Variants in IRAG1 observed in about 807,000 individuals in gnomAD.
The protein encoded by IRAG1 is inositol 1,4,5-triphosphate receptor associated 1, also known as IP3R-associated cGMP kinase substrate.
A neutral mutation model predicts 106.2 loss-of-function variants in IRAG1; 62 were observed. That is an observed-to-expected ratio of 0.58 (90% CI 0.48 to 0.72). The LOEUF is 0.72. Ranked by LOEUF, IRAG1 falls within the 30% of genes least tolerant of loss-of-function variation. The pLI, the probability that IRAG1 is intolerant of heterozygous loss-of-function variation, is 0.00. For synonymous variants in IRAG1, 462 were observed against 443.9 expected, an observed-to-expected ratio of 1.04 and a Z score of -0.51; for missense variants, 1,064 against 1,140.7, an observed-to-expected ratio of 0.93 and a Z score of 0.97.
intron 10 of IRAG1, among the ~76,000 whole-genome samples, chr11:10,614,089 G>A (rs1855197289): frequency 6.6e-6 from 1 of 152,068 alleles, no homozygotes; most frequent in Non-Finnish European, 1.5e-5. Flanking sequence ...AACATACTGA[G>A]GATACCTACC....
At chr11:10,667,617 G>A (rs115018783) in intron 1 of IRAG1, among the ~76,000 whole-genome samples, 73 of 152,326 alleles carry the variant, frequency 4.8e-4, no homozygotes, top group African/African-American at 1.7e-3. Flanking sequence ...CCTGGGGTAG[G>A]TGGAGGGTGG....
intron 10 of IRAG1, among the ~76,000 whole-genome samples, chr11:10,620,489 G>A (rs909346794): frequency 7.9e-5 from 12 of 152,094 alleles, no homozygotes; most frequent in African/African-American, 2.9e-4. Flanking sequence ...ATGGGTACAC[G>A]GGCAAAGATG....
chr11:10,680,404 G>GGAAGGAAGGAAAGAAAGAAAGAAAGGAAA (rs71034778), intron 1 of IRAG1, among the ~76,000 whole-genome samples: 2 of 82,090 alleles, frequency 2.4e-5, no homozygotes, highest in African/African-American at 1.2e-4. Context: ...AAGGAAGGAA[G>GGAAGGAAGGAAAGAAAGAAAGAAAGGAAA]GAAAGAAAGG....
intron 1 of IRAG1, among the ~76,000 whole-genome samples, chr11:10,653,961 T>C (rs552036106): frequency 6.6e-6 from 1 of 152,176 alleles, no homozygotes; most frequent in African/African-American, 2.4e-5. Flanking sequence ...AAGACCACCA[T>C]GCAGATAACA....
At chr11:10,606,881 T>C (rs1854521113) in intron 11 of IRAG1, 109 bp from the exon 12 acceptor site, 2 of 1,027,592 alleles carry the variant, frequency 1.9e-6, no homozygotes, top group African/African-American at 1.6e-5. Context: ...GAGTAAGCTG[T>C]GTTGGTGAGA....
rs1850733717 is a variant in IRAG1, at chr11:10,574,735, T to C, written c.*1597A>G. On this transcript the variant is annotated 3_prime_UTR_variant, in exon 21 of 21. Coordinates refer to ENST00000423302, the MANE Select transcript of IRAG1 (RefSeq NM_130385.4). ...GGGGAGCCAGAGATGGAGTAGCTGA[T>C]GGGCCACTTGGGGGAATGAGACTGA... The C allele has an allele frequency of 6.6e-6, 1 of 152,156 alleles. No homozygotes were observed. Among genetic ancestry groups the C allele is most frequent in the Admixed American group, 6.5e-5 (1 of 15,278 alleles). 9.4% of individuals were successfully genotyped at this position (152,156 alleles called of 1,614,324 possible). A position where few individuals can be genotyped will look rare whatever the true frequency, so the allele number is the denominator to read the frequency against.
In IRAG1 at chr11:10,651,940, G is replaced by T. The variant is rs1858545682; in HGVS notation, c.225+85C>A. On this transcript the variant is annotated intron_variant, in intron 2 of 20. Transcript: ENST00000423302. ...ACATGAGCTGTCAGCAAACCCTCTG[G>T]CCAGCCTAAAAGCTGTGGCCTCAGC... 4.9e-6 allele frequency: 7 copies of T among 1,435,674 alleles called. No individual in the cohort carries two copies. The Admixed American group carries it at 1.3e-4, about 26-fold the overall frequency. The allele number at this position is 1,435,674 out of a possible 1,614,324, so 88.9% of individuals were successfully genotyped here. A position where few individuals can be genotyped will look rare whatever the true frequency, so the allele number is the denominator to read the frequency against.
intron 9 of IRAG1, among the ~76,000 whole-genome samples, chr11:10,624,517 AC>A (rs1430182990): frequency 1.3e-5 from 2 of 152,084 alleles, no homozygotes; most frequent in Admixed American, 1.3e-4. Context: ...CAGACCAAGG[AC>A]CTGAGTGGAG....
intron 1 of IRAG1, among the ~76,000 whole-genome samples, chr11:10,685,038 G>A (rs945788311): frequency 5.9e-5 from 9 of 152,180 alleles, no homozygotes; most frequent in Non-Finnish European, 4.4e-5. Context: ...CATAGCTTAG[G>A]TGACCCACCC....
At chr11:10,692,323 G>A (rs1363917092) in intron 1 of IRAG1, among the ~76,000 whole-genome samples, 3 of 152,124 alleles carry the variant, frequency 2.0e-5, no homozygotes, top group South Asian at 2.1e-4. Flanking sequence ...TGGCATTCAC[G>A]TCTGTGTTGA....
At chr11:10,682,967 G>A (rs1452481818) in intron 1 of IRAG1, among the ~76,000 whole-genome samples, 1 of 152,106 alleles carries the variant, frequency 6.6e-6, no homozygotes, top group Non-Finnish European at 1.5e-5. Flanking sequence ...AGTCATACTG[G>A]GCCTGTGGCC....
At chr11:10,661,719 T>C (rs1859417491) in intron 1 of IRAG1, among the ~76,000 whole-genome samples, 1 of 152,178 alleles carries the variant, frequency 6.6e-6, no homozygotes, top group Non-Finnish European at 1.5e-5. Context: ...TGCCTCCTTA[T>C]AAGAACTCAT....
chr11:10,621,748 G>A (rs373702472), intron 10 of IRAG1, among the ~76,000 whole-genome samples: 1 of 152,180 alleles, frequency 6.6e-6, no homozygotes, highest in Non-Finnish European at 1.5e-5. Flanking sequence ...GGTTTATACT[G>A]TGGAAAATGC....
chr11:10,658,797 G>A (rs1859153491), intron 1 of IRAG1, among the ~76,000 whole-genome samples: 1 of 151,166 alleles, frequency 6.6e-6, no homozygotes. Flanking sequence ...TGTCTGTGCT[G>A]TGCTCAGTCC....
At chr11:10,616,181 T>G (rs1855407315) in intron 10 of IRAG1, among the ~76,000 whole-genome samples, 1 of 150,768 alleles carries the variant, frequency 6.6e-6, no homozygotes, top group Non-Finnish European at 1.5e-5. Context: ...GGCGAGCGCC[T>G]GTAGTCCCGG....
chr11:10,582,036 C>T, intron 18 of IRAG1, 50 bp from the exon 19 acceptor site: 1 of 1,562,268 alleles, frequency 6.4e-7, no homozygotes, highest in Non-Finnish European at 8.7e-7. Flanking sequence ...AAGGTGGAGG[C>T]CTAAAAACAA....
chr11:10,642,601 T>C (rs1020108325), intron 2 of IRAG1, among the ~76,000 whole-genome samples: 4 of 152,236 alleles, frequency 2.6e-5, no homozygotes, highest in African/African-American at 9.6e-5. Flanking sequence ...GAATCCCACC[T>C]GGGTGACCTT....
chr11:10,652,335 T>G (rs1858593606), intron 1 of IRAG1, 153 bp from the exon 2 acceptor site: 1 of 1,445,298 alleles, frequency 6.9e-7, no homozygotes, highest in Admixed American at 2.9e-5. Context: ...ATTTGGAATT[T>G]CATTTCCTCC....
intron 10 of IRAG1, among the ~76,000 whole-genome samples, chr11:10,615,790 G>A (rs1376786540): frequency 6.6e-6 from 1 of 151,818 alleles, no homozygotes; most frequent in Non-Finnish European, 1.5e-5. Context: ...GGTGGGGTCC[G>A]GGGGATGGGG....
Sources: allele counts gnomAD v4.1 joint callset (sites outside exome capture counted in the v4.1 genomes callset), GRCh38; gene constraint gnomAD v4.1.1; transcripts MANE v1.5; gene names NCBI Gene and HGNC (gene_info 2026-07-23, HGNC 2026-07-21).